TRAPPC11: variants seen among roughly 807,000 people sequenced by gnomAD.
TRAPPC11 encodes the protein trafficking protein particle complex subunit 11.
Under a neutral mutation model 151.2 loss-of-function variants are expected in TRAPPC11, and 104 were observed. That is an observed-to-expected ratio of 0.69 (90% CI 0.59 to 0.81). TRAPPC11 has a LOEUF of 0.81. TRAPPC11 is among the 30% of genes least tolerant of loss of function. The pLI is 0.00. For missense variants in TRAPPC11, 1,230 were observed against 1,349.6 expected (o/e 0.91, Z 1.39); for synonymous variants, 456 against 472.3 (o/e 0.97, Z 0.45).
Position 183,691,375 on chromosome 4 carries a change from TC to T in TRAPPC11, c.1954del (p.Leu652Ter), listed in dbSNP as rs1332341328. ...ASKANEVLEN[L>X]TQGKMCLVPG... The stretch of plus-strand genomic sequence containing the variant: ...CCAAAGCAAATGAAGTTTTAGAAAA[TC>T]TGACTCAAGGAAAGATGTGCCTAGT... On this transcript the variant is annotated frameshift_variant, in exon 19 of 30. Transcript: ENST00000334690. LOFTEE classifies it high-confidence loss of function. 6.4e-7 allele frequency: 1 copy of T among 1,558,592 alleles called. No individual in the cohort carries two copies. The highest frequency in any genetic ancestry group is 8.7e-7 in the Non-Finnish European group (1 of 1,145,328).
rs932135252 is a variant in TRAPPC11, at chr4:183,679,416, A to G, written c.895A>G (p.Ile299Val). The change falls in exon 9 of 30, where the codon ATC (isoleucine) becomes GTC (valine). Residue 299 changes from isoleucine to valine, a missense_variant. Physicochemically the swap from Ile to Val is conservative, Grantham distance 29 (BLOSUM62 3). Coordinates refer to ENST00000334690, the MANE Select transcript of TRAPPC11 (RefSeq NM_021942.6). Reference protein sequence around the residue: ...LDAIAQFRKHIDLCKKKIGSA... With the variant: ...LDAIAQFRKHVDLCKKKIGSA... ...TGCAATTGCTCAGTTCCGAAAACACATCGACTTGTGTAAGAAAAAGATTGG... is the reference window on the plus strand; with the variant it reads ...TGCAATTGCTCAGTTCCGAAAACACGTCGACTTGTGTAAGAAAAAGATTGG... 5.0e-6 allele frequency: 8 copies of G among 1,613,224 alleles called. No homozygotes were observed. The highest frequency in any genetic ancestry group is 3.3e-5 in the Admixed American group (2 of 59,876).
intron 18 of TRAPPC11, 93 bp from the exon 19 acceptor site, chr4:183,691,223 G>A: frequency 3.0e-6 from 3 of 1,001,076 alleles, no homozygotes; most frequent in African/African-American, 1.7e-5. Context: ...ATGCTTCAGT[G>A]TTTGTGGAGT....
At chr4:183,694,874 TATATTG>T (rs1736453243) in intron 23 of TRAPPC11, 151 bp downstream of exon 23, 1 of 772,166 alleles carries the variant, frequency 1.3e-6, no homozygotes, top group African/African-American at 1.9e-5. Context: ...AAAAATCACT[TATATTG>T]AGATTTGTTT....
chr4:183,684,241 T>C lies in TRAPPC11; in HGVS notation c.1366+18T>C. On this transcript the variant is annotated intron_variant, in intron 13 of 29. Transcript: ENST00000334690. ...TCACCTAAGTATGTATCCACAAACG[T>C]CACCATTGCATGCAACTTTGAATGA... 6.2e-7 allele frequency: 1 copy of C among 1,613,390 alleles called. No homozygotes were observed.
chr4:183,695,019 G>C lies in TRAPPC11; in HGVS notation c.2628+296G>C, dbSNP rs557950976. Among the ~76,000 whole-genome samples, 846 of 149,666 alleles carry C rather than the reference G, an allele frequency of 5.7e-3. 6 individuals are homozygous for C. The highest frequency in any genetic ancestry group is 8.8e-3 in the Non-Finnish European group (597 of 67,688). ...GCTGGAGTGCAGTGGCACGATCTTG[G>C]CTCACTGCGACCTCCACCTCCCGGG... On this transcript the variant is annotated intron_variant, in intron 23 of 29. Transcript: ENST00000334690.
chr4:183,699,793 G>A (rs779985974), intron 25 of TRAPPC11, among the ~76,000 whole-genome samples: 1 of 151,534 alleles, frequency 6.6e-6, no homozygotes, highest in Non-Finnish European at 1.5e-5. Flanking sequence ...AAACCAGCAG[G>A]TAGCACTTCT....
chr4:183,693,218 G>C, intron 20 of TRAPPC11, 71 bp downstream of exon 20: 1 of 1,404,132 alleles, frequency 7.1e-7, no homozygotes, highest in African/African-American at 1.4e-5. Context: ...TTTGGAGACA[G>C]AGTCTCTCTC....
intron 2 of TRAPPC11, among the ~76,000 whole-genome samples, chr4:183,665,308 A>T (rs886352169): frequency 6.6e-6 from 1 of 151,736 alleles, no homozygotes; most frequent in East Asian, 1.9e-4. Context: ...GTTAGCCAGG[A>T]TGGTCTCGAT....
chr4:183,705,600 T>G (rs1479364300), intron 27 of TRAPPC11, among the ~76,000 whole-genome samples: 1 of 152,148 alleles, frequency 6.6e-6, no homozygotes, highest in African/African-American at 2.4e-5. Flanking sequence ...CTCTACCACT[T>G]TGTCCATCTC....
chr4:183,691,390 G>A lies in TRAPPC11; in HGVS notation c.1968G>A (p.Lys656=), dbSNP rs1290504773. The change falls in exon 19 of 30, where the codon AAG becomes AAA. Residue 656 remains lysine, a synonymous_variant. Coordinates refer to ENST00000334690, the MANE Select transcript of TRAPPC11 (RefSeq NM_021942.6). ...TTTTAGAAAATCTGACTCAAGGAAA[G>A]ATGTGCCTAGTTCCTGGCAAAACAA... ...NEVLENLTQG[K]MCLVPGKTRK... The A allele has an allele frequency of 1.3e-6, 2 of 1,566,004 alleles. No individual in the cohort carries two copies. Among genetic ancestry groups the A allele is most frequent in the East Asian group, 4.5e-5 (2 of 44,252 alleles).
intron 26 of TRAPPC11, among the ~76,000 whole-genome samples, chr4:183,704,518 C>T (rs1261734423): frequency 2.3e-5 from 2 of 86,426 alleles, no homozygotes; most frequent in African/African-American, 4.2e-5. Context: ...GAGACTGTCT[C>T]AAAAAAAAAA....
chr4:183,694,054 T>C lies in TRAPPC11; in HGVS notation c.2508+16T>C, dbSNP rs773499915. 1.9e-6 allele frequency: 3 copies of C among 1,611,738 alleles called. No homozygotes were observed. The highest frequency in any genetic ancestry group is 2.2e-5 in the South Asian group (2 of 90,774). On this transcript the variant is annotated intron_variant, in intron 22 of 29. Transcript: ENST00000334690. Reference sequence around the variant, plus strand: ...AGGGGAACAGGTAAACTTGGTCAACTGGGATTGAAGAGGAAATCAATTAGT... The same window carrying C: ...AGGGGAACAGGTAAACTTGGTCAACCGGGATTGAAGAGGAAATCAATTAGT...
chr4:183,690,612 C>T (rs934784054), intron 18 of TRAPPC11, among the ~76,000 whole-genome samples: 16 of 151,996 alleles, frequency 1.1e-4, no homozygotes, highest in African/African-American at 2.7e-4. Flanking sequence ...GTATGGTGAA[C>T]GTGGAAACAA....
chr4:183,668,295 C>T (rs1459724386), intron 5 of TRAPPC11, among the ~76,000 whole-genome samples, 178 bp downstream of exon 5: 1 of 151,726 alleles, frequency 6.6e-6, no homozygotes, highest in East Asian at 1.9e-4. Context: ...TCTCCAATTC[C>T]CTGAGGTAAC....
Position 183,712,603 on chromosome 4 carries a change from C to T in TRAPPC11, c.3361C>T (p.Gln1121Ter). Reference protein sequence around the residue: ...FIPTSIFVKPQGRLMDDTSIA... With the variant: ...FIPTSIFVKP Reference sequence around the variant, plus strand: ...CTTTGTTTTTCCCACTTTAAAGCCACAGGGTCGACTCATGGATGATACCTC... The same window carrying T: ...CTTTGTTTTTCCCACTTTAAAGCCATAGGGTCGACTCATGGATGATACCTC... The change falls in exon 30 of 30, where the codon CAG (glutamine) becomes TAG (stop). Residue 1121 changes from glutamine to a stop codon, truncating the protein, a stop_gained. Transcript: ENST00000334690. LOFTEE classifies it high-confidence loss of function. The T allele has an allele frequency of 6.2e-7, 1 of 1,614,080 alleles. No homozygotes were observed. The highest frequency in any genetic ancestry group is 1.3e-5 in the African/African-American group (1 of 75,042).
At chr4:183,661,181 G>C (rs1187924769) in intron 1 of TRAPPC11, among the ~76,000 whole-genome samples, 1 of 151,896 alleles carries the variant, frequency 6.6e-6, no homozygotes, top group Non-Finnish European at 1.5e-5. Context: ...ATCATTTATT[G>C]AATACCTGTT....
Position 183,684,334 on chromosome 4 carries a change from G to A in TRAPPC11, c.1396G>A (p.Ala466Thr), listed in dbSNP as rs756747035. 7 of 1,613,302 alleles carry A rather than the reference G, an allele frequency of 4.3e-6. No individual in the cohort carries two copies. The highest frequency in any genetic ancestry group is 5.1e-6 in the Non-Finnish European group (6 of 1,179,524). The change falls in exon 14 of 30, where the codon GCA becomes ACA. Residue 466 changes from alanine to threonine, a missense_variant. Transcript: ENST00000334690. The part of the protein sequence containing the change: ...MVQMGEEYYY[A>T]KDYTKALKLL... ...TCAGATGGGAGAGGAATATTATTAC[G>A]CAAAGGATTATACCAAAGCTTTGAA...
chr4:183,681,736 T>C (rs1475257156), intron 10 of TRAPPC11, among the ~76,000 whole-genome samples: 2 of 150,178 alleles, frequency 1.3e-5, no homozygotes. Flanking sequence ...GCCGAGATCG[T>C]GCCAGTGCAC....
At chr4:183,694,827 G>A in intron 23 of TRAPPC11, 104 bp downstream of exon 23, 1 of 1,157,044 alleles carries the variant, frequency 8.6e-7, no homozygotes, top group Non-Finnish European at 1.2e-6. Context: ...CAGTTTAGGT[G>A]CTTATAGTCT....
Sources: gnomAD v4.1 joint callset for allele counts (sites outside exome capture counted in the v4.1 genomes callset) on GRCh38, gnomAD v4.1.1 for gene constraint, MANE v1.5 for transcripts, NCBI Gene and HGNC (gene_info 2026-07-23, HGNC 2026-07-21) for gene names.